Variants in FBRSL1 observed in about 807,000 individuals in gnomAD.
The protein encoded by FBRSL1 is fibrosin like 1, also known as fibrosin-1-like protein.
Under a neutral mutation model 89.6 loss-of-function variants are expected in FBRSL1, and 51 were observed. That is an observed-to-expected ratio of 0.57 (90% confidence interval 0.45 to 0.72). FBRSL1 has a LOEUF of 0.72. Ranked by LOEUF, FBRSL1 falls within the 30% of genes least tolerant of loss-of-function variation. FBRSL1 has a pLI of 0.00. For missense variants in FBRSL1, 1,618 were observed against 1,451.8 expected, an observed-to-expected ratio of 1.11 and a Z score of -1.86; for synonymous variants, 779 against 681.1, an observed-to-expected ratio of 1.14 and a Z score of -2.24.
intron 1 of FBRSL1, 26 bp downstream of exon 1, chr12:132,490,887 G>C: frequency 7.7e-7 from 1 of 1,300,918 alleles, no homozygotes. Flanking sequence ...CGGCTTCGCA[G>C]GCGTTGAGGC....
Position 132,546,977 on chromosome 12 carries a change from C to T in FBRSL1, c.616-1026C>T, listed in dbSNP as rs892313896. 6.6e-6 allele frequency among the ~76,000 whole-genome samples: 1 copy of T among 152,244 alleles called. No homozygotes were observed. Among genetic ancestry groups the T allele is most frequent in the East Asian group, 1.9e-4 (1 of 5,202 alleles). On this transcript the variant is annotated intron_variant, in intron 4 of 18. Coordinates refer to ENST00000680143, the MANE Select transcript of FBRSL1 (RefSeq NM_001367871.1). The surrounding 1 kb of genome is among the most constrained non-coding windows in gnomAD (Gnocchi z 4.0). ...CATAGGAGGGCGCCGCCCACACATC[C>T]GGCTGGCACTCACCACCCTCCGTGC...
chr12:132,498,774 G>A (rs904058259), intron 1 of FBRSL1, among the ~76,000 whole-genome samples: 1 of 152,176 alleles, frequency 6.6e-6, no homozygotes, highest in African/African-American at 2.4e-5. Context: ...AGGGAGGTCA[G>A]AGGCTGAAGA....
chr12:132,569,238 C>T (rs1484032131), intron 6 of FBRSL1, among the ~76,000 whole-genome samples: 2 of 151,574 alleles, frequency 1.3e-5, no homozygotes, highest in Non-Finnish European at 2.9e-5. Context: ...GCCCCAGGGG[C>T]TCAGAGGGGC....
At chr12:132,536,906 G>GCAAA (rs2036807799) in intron 4 of FBRSL1, among the ~76,000 whole-genome samples, 2 of 152,236 alleles carry the variant, frequency 1.3e-5, no homozygotes, top group African/African-American at 4.8e-5. Context: ...TGTACGTAAC[G>GCAAA]GTGTCTTTGC....
At position 132,502,982 on chromosome 12, in the gene FBRSL1, G is replaced by T. The variant is rs538241420; in HGVS notation, c.292-5171G>T. 2.6e-4 allele frequency among the ~76,000 whole-genome samples: 39 copies of T among 151,826 alleles called. No homozygotes were observed. The East Asian group carries it at 6.8e-3, about 26-fold the overall frequency. ...GTTCTCCATGACACCGTCACCAATG[G>T]TCTGGGTCTCCGACTTGTCTGCAGG... is the stretch of plus-strand genomic sequence containing the variant. On this transcript the variant is annotated intron_variant, in intron 1 of 18. Coordinates refer to ENST00000680143, the MANE Select transcript of FBRSL1 (RefSeq NM_001367871.1).
intron 2 of FBRSL1, chr12:132,509,152 T>G: frequency 8.6e-7 from 1 of 1,163,570 alleles, no homozygotes; most frequent in South Asian, 4.1e-5. Flanking sequence ...ACACGTGCTC[T>G]TTCTTCCATG....
At chr12:132,531,552 T>TGC (rs757802169) in intron 4 of FBRSL1, among the ~76,000 whole-genome samples, 1 of 150,582 alleles carries the variant, frequency 6.6e-6, no homozygotes, top group Non-Finnish European at 1.5e-5. Context: ...TGTGTGTGCG[T>TGC]GTGTGTGTGT....
intron 1 of FBRSL1, among the ~76,000 whole-genome samples, chr12:132,495,237 C>T (rs1159090946): frequency 6.6e-6 from 1 of 152,214 alleles, no homozygotes; most frequent in Admixed American, 6.5e-5. Flanking sequence ...CACAGAGGGG[C>T]CAGGGTTCCA....
intron 15 of FBRSL1, among the ~76,000 whole-genome samples, chr12:132,579,199 T>C (rs2040584738): frequency 1.3e-5 from 2 of 152,236 alleles, no homozygotes; most frequent in South Asian, 4.1e-4. Flanking sequence ...GGGGGCAGGA[T>C]GATTCCTTGT....
At chr12:132,514,616 C>T (rs1250697861) in intron 2 of FBRSL1, among the ~76,000 whole-genome samples, 3 of 152,186 alleles carry the variant, frequency 2.0e-5, no homozygotes, top group African/African-American at 7.2e-5. Context: ...GGTTTTCATG[C>T]TGAGCCACAG....
rs181628852 is a variant in FBRSL1, at chr12:132,550,065, A to C, written c.645+2033A>C. 3.0e-3 allele frequency among the ~76,000 whole-genome samples: 451 copies of C among 151,420 alleles called. 1 individual carries two copies. The highest frequency in any genetic ancestry group is 0.011 in the African/African-American group (438 of 41,204). On this transcript the variant is annotated intron_variant, in intron 5 of 18. Coordinates refer to ENST00000680143, the MANE Select transcript of FBRSL1 (RefSeq NM_001367871.1). ...CAGGGCGAGTTTGGCATTCCTGCAC[A>C]CGGAGGGTCCCGGCAGGGAGAGTTT...
intron 2 of FBRSL1, chr12:132,510,650 A>G (rs1416618355): frequency 2.3e-5 from 28 of 1,229,552 alleles, no homozygotes; most frequent in Non-Finnish European, 2.8e-5. Flanking sequence ...CTACAGTGCC[A>G]CGATCAGGCT....
chr12:132,505,408 G>A (rs1023345940), intron 1 of FBRSL1, among the ~76,000 whole-genome samples: 9 of 152,152 alleles, frequency 5.9e-5, no homozygotes. Flanking sequence ...CCCAGGGCAC[G>A]CACTGTCCCT....
chr12:132,551,373 C>A (rs780023037), intron 5 of FBRSL1: 5 of 453,992 alleles, frequency 1.1e-5, no homozygotes, highest in Middle Eastern at 3.3e-4. Flanking sequence ...CAGACAGCGT[C>A]CTGCGTGGGG....
intron 4 of FBRSL1, among the ~76,000 whole-genome samples, chr12:132,534,623 G>A (rs2036565001): frequency 6.6e-6 from 1 of 152,246 alleles, no homozygotes; most frequent in Admixed American, 6.5e-5. Context: ...ATTGAGCAAG[G>A]CTCAGCCCGG....
intron 2 of FBRSL1, among the ~76,000 whole-genome samples, chr12:132,522,055 G>T (rs1385452671): frequency 6.6e-6 from 1 of 152,048 alleles, no homozygotes; most frequent in African/African-American, 2.4e-5. Context: ...GCCTGCCGGC[G>T]CCTGTGGGTC....
intron 1 of FBRSL1, among the ~76,000 whole-genome samples, chr12:132,492,792 C>T (rs1022061713): frequency 6.6e-6 from 1 of 152,248 alleles, no homozygotes; most frequent in East Asian, 1.9e-4. Context: ...GGTTTCATGT[C>T]CCTTCCTCTG....
intron 4 of FBRSL1, among the ~76,000 whole-genome samples, chr12:132,529,349 TG>T (rs1244562474): frequency 2.0e-5 from 3 of 152,172 alleles, no homozygotes; most frequent in East Asian, 3.8e-4. Context: ...GGGAGCGGCA[TG>T]GGCGGCGCGG....
chr12:132,557,723 G>C (rs1231489083), intron 5 of FBRSL1, among the ~76,000 whole-genome samples: 1 of 152,188 alleles, frequency 6.6e-6, no homozygotes, highest in African/African-American at 2.4e-5. Context: ...GCCAGTTGCT[G>C]CCCCTCAATT....
Sources: allele counts gnomAD v4.1 joint callset (sites outside exome capture counted in the v4.1 genomes callset), GRCh38; gene constraint gnomAD v4.1.1; non-coding constraint Gnocchi (gnomAD v3.1); transcripts MANE v1.5; gene names NCBI Gene and HGNC (gene_info 2026-07-23, HGNC 2026-07-21).